The following TOP1 variants were observed in gnomAD, a reference collection of about 807,000 sequenced individuals.
TOP1 encodes DNA topoisomerase 1.
A neutral mutation model predicts 111.1 loss-of-function variants in TOP1; 10 were observed. The observed-to-expected ratio is 0.09, with a 90% CI of 0.06 to 0.15. TOP1 has a LOEUF of 0.15. TOP1 is among the 10% of genes least tolerant of loss of function. The pLI is 1.00. For synonymous variants in TOP1, 271 were observed against 302.9 expected (o/e 0.89, Z 1.10); for missense variants, 474 against 926.7 (o/e 0.51, Z 6.34).
chr20:41,031,892 C>T (rs1600548544), intron 2 of TOP1, among the ~76,000 whole-genome samples: 1 of 152,144 alleles, frequency 6.6e-6, no homozygotes, highest in South Asian at 2.1e-4. Flanking sequence ...TTTATCTAAA[C>T]ATGCTTTTTG....
Position 41,106,573 on chromosome 20 carries a change from A to G in TOP1, c.1308+5220A>G, listed in dbSNP as rs948140690. Reference sequence around the variant, plus strand: ...TCATGTCTTTTGAATGTATCCACCAATATGGTTTTGTAATTTTCTTCATAA... The same window carrying G: ...TCATGTCTTTTGAATGTATCCACCAGTATGGTTTTGTAATTTTCTTCATAA... On this transcript the variant is annotated intron_variant, in intron 13 of 20. Transcript: ENST00000361337. The surrounding 1 kb of genome is among the most constrained non-coding windows in gnomAD (Gnocchi z 4.3). Among the ~76,000 whole-genome samples the G allele has an allele frequency of 6.6e-6, 1 of 152,162 alleles. No individual in the cohort carries two copies. Among genetic ancestry groups the G allele is most frequent in the Non-Finnish European group, 1.5e-5 (1 of 68,018 alleles).
intron 2 of TOP1, among the ~76,000 whole-genome samples, chr20:41,035,329 G>A (rs2033171765): frequency 1.3e-5 from 2 of 152,136 alleles, no homozygotes; most frequent in African/African-American, 2.4e-5. Flanking sequence ...CATCAGATTT[G>A]GGGTGGGGAG....
intron 2 of TOP1, among the ~76,000 whole-genome samples, chr20:41,035,181 A>T (rs192083667): frequency 1.0e-3 from 153 of 152,174 alleles, no homozygotes; most frequent in African/African-American, 3.6e-3. Flanking sequence ...ACTGTGCCTG[A>T]CCCTTAATTT....
intron 13 of TOP1, among the ~76,000 whole-genome samples, chr20:41,108,409 G>A (rs1347314911): frequency 2.0e-5 from 3 of 152,186 alleles, no homozygotes; most frequent in African/African-American, 7.2e-5. Flanking sequence ...AACAGCTGAA[G>A]TGTGTTCTTT....
intron 3 of TOP1, among the ~76,000 whole-genome samples, chr20:41,062,559 T>C (rs774823062): frequency 2.0e-5 from 3 of 152,190 alleles, no homozygotes; most frequent in Non-Finnish European, 2.9e-5. Flanking sequence ...CTACATCTTT[T>C]CTAGTTTATA....
In TOP1 at chr20:41,073,208, C is replaced by G. The variant is rs933248535; in HGVS notation, c.156-2963C>G. 15 of 985,002 alleles carry G rather than the reference C, an allele frequency of 1.5e-5. No individual in the cohort carries two copies. In the Admixed American group the frequency reaches 1.8e-4, roughly 12 times the overall value. The allele number at this position is 985,002 out of a possible 1,614,324, so 61.0% of individuals were successfully genotyped here. ...TTGTAGGTACCTATGTTGTGATTGC[C>G]AAAAGGCTCAGAAAGCCAGTTTTCT... On this transcript the variant is annotated intron_variant, in intron 3 of 20. Transcript: ENST00000361337.
At chr20:41,065,880 T>C (rs2033600553) in intron 3 of TOP1, among the ~76,000 whole-genome samples, 1 of 152,152 alleles carries the variant, frequency 6.6e-6, no homozygotes, top group South Asian at 2.1e-4. Context: ...CTCCGGGGTG[T>C]ATACCTAGGA....
In TOP1 at chr20:41,034,246, A is replaced by C. The variant is rs1172607481; in HGVS notation, c.58+4791A>C. 6.6e-6 allele frequency among the ~76,000 whole-genome samples: 1 copy of C among 152,264 alleles called. No homozygotes were observed. The highest frequency in any genetic ancestry group is 1.5e-5 in the Non-Finnish European group (1 of 68,052). ...TAAAGGAAGCTTTCAGATTGTGTTT[A>C]AACTTCGAGTAGTAATATTTGGAAC... On this transcript the variant is annotated intron_variant, in intron 2 of 20. Coordinates refer to ENST00000361337, the MANE Select transcript of TOP1 (RefSeq NM_003286.4). The surrounding 1 kb of genome is among the most constrained non-coding windows in gnomAD (Gnocchi z 4.0).
chr20:41,114,295 A>G lies in TOP1; in HGVS notation c.1638+140A>G. The G allele has an allele frequency of 1.4e-6, 1 of 693,610 alleles. No homozygotes were observed. Among genetic ancestry groups the G allele is most frequent in the South Asian group, 1.9e-5 (1 of 53,372 alleles). The allele number at this position is 693,610 out of a possible 1,614,324, so 43.0% of individuals were successfully genotyped here. On this transcript the variant is annotated intron_variant, in intron 15 of 20. Transcript: ENST00000361337. This position sits in a 1 kb window ranked among gnomAD's most constrained non-coding sequence, Gnocchi z 4.5. ...CAGGCAACATGGCACATGCCTGTAG[A>G]CCCAGCTATTCAGAAGGCTGAGACA... is the stretch of plus-strand genomic sequence containing the variant.
rs1265069287 is a variant in TOP1 at position 41,118,808 on chromosome 20, G to C, written c.1950+512G>C. ...CATCATCAAACATCTGTTGAATACT[G>C]GCCGTGTGCCAGACAACTTGCTGCC... is the stretch of plus-strand genomic sequence containing the variant. On this transcript the variant is annotated intron_variant, in intron 18 of 20. Transcript: ENST00000361337. The surrounding 1 kb of genome is among the most constrained non-coding windows in gnomAD (Gnocchi z 4.6). Among the ~76,000 whole-genome samples the C allele has an allele frequency of 1.3e-5, 2 of 152,262 alleles. No individual in the cohort carries two copies. Among genetic ancestry groups the C allele is most frequent in the East Asian group, 3.9e-4 (2 of 5,192 alleles).
chr20:41,061,753 T>C lies in TOP1; in HGVS notation c.155+263T>C, dbSNP rs548345041. On this transcript the variant is annotated intron_variant, in intron 3 of 20. Transcript: ENST00000361337. The surrounding 1 kb of genome is among the most constrained non-coding windows in gnomAD (Gnocchi z 4.6). ...TTAAAAATACAGTTGTTCACTAAGA[T>C]AGGTAAGGATTCATTGTGACACATG... is the stretch of plus-strand genomic sequence containing the variant. Among the ~76,000 whole-genome samples the C allele has an allele frequency of 6.6e-6, 1 of 152,312 alleles. No individual in the cohort carries two copies. The highest frequency in any genetic ancestry group is 2.1e-4 in the South Asian group (1 of 4,826).
chr20:41,098,571 T>G lies in TOP1; in HGVS notation c.975+234T>G. The G allele has an allele frequency of 2.4e-6, 1 of 421,748 alleles. No individual in the cohort carries two copies. Among genetic ancestry groups the G allele is most frequent in the Admixed American group, 4.1e-5 (1 of 24,202 alleles). 26.1% of individuals were successfully genotyped at this position (421,748 alleles called of 1,614,324 possible). ...CAGGAATCTTGGTGCTTCAGTGACC[T>G]AAAAACCAGTCAGTAACTCCAGCCA... On this transcript the variant is annotated intron_variant, in intron 11 of 20. Transcript: ENST00000361337. The surrounding 1 kb of genome is among the most constrained non-coding windows in gnomAD (Gnocchi z 5.7).
intron 2 of TOP1, among the ~76,000 whole-genome samples, chr20:41,060,818 A>G (rs558723518): frequency 6.6e-6 from 1 of 152,204 alleles, no homozygotes; most frequent in Non-Finnish European, 1.5e-5. Context: ...GTGTAACTAT[A>G]TAAATAGTTG....
At position 41,092,637 on chromosome 20, in the gene TOP1, T is replaced by G. The variant is rs6102274; in HGVS notation, c.730+50T>G. ...TCTTGGCCAGGAAAAGAAATCTGCT[T>G]CTATTTAGGGATAGAAAACAAGGAA... is the stretch of plus-strand genomic sequence containing the variant. On this transcript the variant is annotated intron_variant, in intron 9 of 20. Transcript: ENST00000361337. The surrounding 1 kb of genome is among the most constrained non-coding windows in gnomAD (Gnocchi z 4.3). 5.4e-3 allele frequency: 4,701 copies of G among 877,524 alleles called. 152 individuals are homozygous for G. In the African/African-American group the frequency reaches 0.07, roughly 13 times the overall value. The allele number at this position is 877,524 out of a possible 1,614,324, so 54.4% of individuals were successfully genotyped here. A position where few individuals can be genotyped will look rare whatever the true frequency, so the allele number is the denominator to read the frequency against.
intron 3 of TOP1, chr20:41,072,149 T>C (rs1443356698): frequency 1.3e-6 from 1 of 790,110 alleles, no homozygotes; most frequent in Non-Finnish European, 1.5e-6. Flanking sequence ...CTGAAGTTTC[T>C]TCAGTAATTA....
Position 41,122,909 on chromosome 20 carries a change from T to C in TOP1, c.2196-286T>C, listed in dbSNP as rs1388028121. Reference sequence around the variant, plus strand: ...GCTTGGGTTCAAATTTCAGGTCACTTACCAGCTAGCTGTGTGAGAAAATCA... The same window carrying C: ...GCTTGGGTTCAAATTTCAGGTCACTCACCAGCTAGCTGTGTGAGAAAATCA... On this transcript the variant is annotated intron_variant, in intron 20 of 20. Coordinates refer to ENST00000361337, the MANE Select transcript of TOP1 (RefSeq NM_003286.4). This position sits in a 1 kb window ranked among gnomAD's most constrained non-coding sequence, Gnocchi z 5.4. Among the ~76,000 whole-genome samples the C allele has an allele frequency of 6.6e-6, 1 of 152,214 alleles. No individual in the cohort carries two copies. The highest frequency in any genetic ancestry group is 1.5e-5 in the Non-Finnish European group (1 of 68,030).
intron 2 of TOP1, among the ~76,000 whole-genome samples, chr20:41,038,913 C>T (rs375056477): frequency 7.3e-5 from 11 of 151,494 alleles, no homozygotes; most frequent in East Asian, 1.9e-4. Context: ...GCTTAAGCCC[C>T]GGGAGGTGGA....
rs1177059829 is a variant in TOP1, at chr20:41,101,569, T to C, written c.1308+216T>C. Reference sequence around the variant, plus strand: ...AATCTTATTTATTAATTCACAAATATTTACTGAAATCCCAAATGTGCCCCA... The same window carrying C: ...AATCTTATTTATTAATTCACAAATACTTACTGAAATCCCAAATGTGCCCCA... On this transcript the variant is annotated intron_variant, in intron 13 of 20. Coordinates refer to ENST00000361337, the MANE Select transcript of TOP1 (RefSeq NM_003286.4). The surrounding 1 kb of genome is among the most constrained non-coding windows in gnomAD (Gnocchi z 4.1). 6.6e-6 allele frequency among the ~76,000 whole-genome samples: 1 copy of C among 152,228 alleles called. No individual in the cohort carries two copies. The highest frequency in any genetic ancestry group is 1.5e-5 in the Non-Finnish European group (1 of 68,042).
At chr20:41,072,367 A>T (rs1195261584) in intron 3 of TOP1, 2 of 985,322 alleles carry the variant, frequency 2.0e-6, no homozygotes, top group Non-Finnish European at 2.4e-6. Context: ...ACTGTTAATG[A>T]GGAAAGTACA....
Sources: allele counts gnomAD v4.1 joint callset (sites outside exome capture counted in the v4.1 genomes callset), GRCh38; gene constraint gnomAD v4.1.1; non-coding constraint Gnocchi (gnomAD v3.1); transcripts MANE v1.5; gene names NCBI Gene and HGNC (gene_info 2026-07-23, HGNC 2026-07-21).